Variants in FGF13 observed in about 807,000 individuals in gnomAD.
FGF13 encodes fibroblast growth factor homologous factor 2.
Under a neutral mutation model 19.5 loss-of-function variants are expected in FGF13, and 2 were observed. The ratio of observed to expected loss-of-function variants is 0.10; its 90% CI spans 0.04 to 0.32. The LOEUF is 0.32. FGF13 is among the 10% of genes least tolerant of loss of function. FGF13 has a pLI of 1.00. For missense variants in FGF13, 113 were observed against 192.7 expected (o/e 0.59, Z 2.45); for synonymous variants, 72 against 76.9 (o/e 0.94, Z 0.33).
chrX:139,109,024 C>T (rs1442939439), intron 1 of FGF13, among the ~76,000 whole-genome samples: 1 of 111,411 alleles, frequency 9.0e-6, no homozygotes, highest in East Asian at 2.8e-4. Flanking sequence ...GCTCTCGTTC[C>T]TTTTTATGGC....
chrX:139,176,410 T>C (rs901475449), intron 1 of FGF13, among the ~76,000 whole-genome samples: 1 of 105,972 alleles, frequency 9.4e-6, no homozygotes, highest in African/African-American at 3.5e-5. Flanking sequence ...TCTATCTCCT[T>C]CAGTTCTGCT....
At chrX:138,950,602 C>T (rs553707713) in intron 1 of FGF13, among the ~76,000 whole-genome samples, 1 of 111,808 alleles carries the variant, frequency 8.9e-6, no homozygotes, top group Non-Finnish European at 1.9e-5. Context: ...CTGCATTTAC[C>T]CACATTTAAT....
chrX:138,979,413 T>A (rs774140703), intron 1 of FGF13, among the ~76,000 whole-genome samples: 82 of 110,681 alleles, frequency 7.4e-4, no homozygotes, highest in South Asian at 1.9e-3. Flanking sequence ...CTTTTTTTTT[T>A]TATATTATTA....
At chrX:139,197,993 C>CAAAAAAAAAAAAAAAA (rs57335781) in intron 1 of FGF13, among the ~76,000 whole-genome samples, 1 of 23,294 alleles carries the variant, frequency 4.3e-5, no homozygotes, top group Non-Finnish European at 8.1e-5. Flanking sequence ...GACCCTACCT[C>CAAAAAAAAAAAAAAAA]AAAAAAAAAA....
At chrX:138,821,547 TCG>T (rs1395998518) in intron 3 of FGF13, among the ~76,000 whole-genome samples, 2 of 111,936 alleles carry the variant, frequency 1.8e-5, no homozygotes, top group African/African-American at 6.5e-5. Flanking sequence ...TTTGAAGACT[TCG>T]TATTTAGAAA....
chrX:138,671,273 T>C (rs1005304965), intron 3 of FGF13, among the ~76,000 whole-genome samples: 1 of 111,024 alleles, frequency 9.0e-6, no homozygotes, highest in Non-Finnish European at 1.9e-5. Flanking sequence ...GATACTCTTA[T>C]CAAGAAAAAC....
intron 1 of FGF13, among the ~76,000 whole-genome samples, chrX:139,119,440 A>G (rs5976278): frequency 0.23 from 25,767 of 111,105 alleles, 3,025 homozygotes; most frequent in African/African-American, 0.45. Flanking sequence ...AGGACGTGCT[A>G]TCATCCTCTC....
intron 1 of FGF13, among the ~76,000 whole-genome samples, chrX:139,023,389 T>A (rs1410075073): frequency 9.0e-6 from 1 of 111,225 alleles, no homozygotes; most frequent in Non-Finnish European, 1.9e-5. Flanking sequence ...AAATGTATTC[T>A]TAGCTTGTAG....
At chrX:138,782,370 A>T (rs925590901) in intron 3 of FGF13, among the ~76,000 whole-genome samples, 2 of 111,639 alleles carry the variant, frequency 1.8e-5, no homozygotes, top group Non-Finnish European at 3.8e-5. Flanking sequence ...AGGAAGTCAA[A>T]TTGTCCCTGT....
chrX:138,629,470 T>G lies in FGF13; in HGVS notation c.*3380A>C, dbSNP rs769146502. The G allele has an allele frequency of 1.8e-5, 2 of 110,692 alleles. No homozygotes were observed. The highest frequency in any genetic ancestry group is 7.8e-4 in the South Asian group (2 of 2,564). 9.1% of individuals were successfully genotyped at this position (110,692 alleles called of 1,213,427 possible). On this transcript the variant is annotated 3_prime_UTR_variant, in exon 5 of 5. Transcript: ENST00000315930. ...GAGGTGATTGGATCCTCGGGGCGGT[T>G]TCCCCATGCTGTCTCATATAGTGAG...
In FGF13 at chrX:138,941,866, C is replaced by T. The variant is rs1024925093; in HGVS notation, c.-112-77216G>A. Among the ~76,000 whole-genome samples, 21 of 112,184 alleles carry T rather than the reference C, an allele frequency of 1.9e-4. No homozygotes were observed. In the Admixed American group the frequency reaches 2.0e-3, roughly 11 times the overall value. The stretch of plus-strand genomic sequence containing the variant: ...TGTCTATGATCAAGTCCCCTTATTC[C>T]TGGAGTTCCTCAAAACCAAGGCCAT... On this transcript the variant is annotated intron_variant, in intron 1 of 2. Coordinates refer to the FGF13 transcript ENST00000421460.
chrX:138,969,562 A>C lies in FGF13; in HGVS notation c.-112-104912T>G, dbSNP rs1374724532. On this transcript the variant is annotated intron_variant, in intron 1 of 2. Transcript: ENST00000421460. ...AAATAAAATAAGGTTGTGGGGTGTC[A>C]CATTTATGAAATTTCTCATAAGATA... Among the ~76,000 whole-genome samples the C allele has an allele frequency of 2.7e-5, 3 of 112,003 alleles. No individual in the cohort carries two copies. The East Asian group carries it at 8.5e-4, about 32-fold the overall frequency.
intron 3 of FGF13, among the ~76,000 whole-genome samples, chrX:138,835,301 C>A (rs1320050768): frequency 8.9e-6 from 1 of 111,991 alleles, no homozygotes; most frequent in African/African-American, 3.2e-5. Context: ...CTTTGAAGGT[C>A]TCTAAGAACT....
At chrX:138,889,219 C>T (rs1201845503) in intron 1 of FGF13, among the ~76,000 whole-genome samples, 1 of 111,555 alleles carries the variant, frequency 9.0e-6, no homozygotes, top group Non-Finnish European at 1.9e-5. Context: ...AAGAGAATGG[C>T]CAAATCCAAA....
intron 1 of FGF13, among the ~76,000 whole-genome samples, chrX:139,092,462 C>T (rs1314590056): frequency 1.8e-5 from 2 of 112,224 alleles, no homozygotes; most frequent in African/African-American, 3.2e-5. Flanking sequence ...CAGAAGCCAG[C>T]CAGTTCAAAC....
chrX:138,714,081 G>T (rs979535131), upstream of FGF13: 1 of 111,320 alleles, frequency 9.0e-6, no homozygotes, highest in African/African-American at 3.3e-5. Flanking sequence ...ACCCACAAAA[G>T]ATATTTCTGT....
intron 3 of FGF13, among the ~76,000 whole-genome samples, chrX:138,749,322 TACACACACACACACACACACACACAC>T (rs34038080): frequency 2.4e-5 from 2 of 81,697 alleles, no homozygotes; most frequent in African/African-American, 4.8e-5. Context: ...GAGACCAAAA[TACACACACACACACACACACACACAC>T]ACACACACAC....
intron 3 of FGF13, 120 bp from the exon 4 acceptor site, chrX:138,635,775 G>A (rs1005474010): frequency 8.5e-5 from 42 of 495,907 alleles, no homozygotes; most frequent in Non-Finnish European, 1.3e-4. Flanking sequence ...TGTGACTGGT[G>A]CTCTATTTTA....
intron 1 of FGF13, among the ~76,000 whole-genome samples, chrX:138,913,380 C>T (rs113131881): frequency 0.037 from 3,938 of 107,505 alleles, 202 homozygotes; most frequent in African/African-American, 0.13. Context: ...CTGGCCAGGC[C>T]GGCCTCAAAC....
Sources: gnomAD v4.1 joint callset for allele counts (sites outside exome capture counted in the v4.1 genomes callset) on GRCh38, gnomAD v4.1.1 for gene constraint, MANE v1.5 for transcripts, NCBI Gene and HGNC (gene_info 2026-07-23, HGNC 2026-07-21) for gene names.